The following SRGAP3 variants were observed in gnomAD, a reference collection of about 807,000 sequenced individuals.
SRGAP3 encodes the protein SLIT-ROBO Rho GTPase activating protein 3.
SRGAP3 carries 39 observed loss-of-function variants against 121.1 expected under a neutral mutation model. The ratio of observed to expected loss-of-function variants is 0.32; its 90% CI spans 0.25 to 0.42. SRGAP3 has a LOEUF of 0.42. SRGAP3 is among the 10% of genes least tolerant of loss of function. The probability of loss-of-function intolerance (pLI) is 1.00; values close to 1 mark genes in which losing one functional copy is unlikely to be tolerated. For missense variants in SRGAP3, 1,213 were observed against 1,470.6 expected, an observed-to-expected ratio of 0.82 and a Z score of 2.86; for synonymous variants, 601 against 570.0, an observed-to-expected ratio of 1.05 and a Z score of -0.77.
chr3:8,992,785 T>A, intron 20 of SRGAP3, 121 bp downstream of exon 20: 1 of 1,579,114 alleles, frequency 6.3e-7, no homozygotes, highest in South Asian at 1.1e-5. Flanking sequence ...GCCCATTTCA[T>A]TTTGTGGGGA....
intron 1 of SRGAP3, among the ~76,000 whole-genome samples, chr3:9,236,882 G>T (rs1953430735): frequency 6.6e-6 from 1 of 152,106 alleles, no homozygotes; most frequent in Non-Finnish European, 1.5e-5. Flanking sequence ...TCTTTGATAA[G>T]ACTTAAGTTT....
intron 4 of SRGAP3, among the ~76,000 whole-genome samples, chr3:9,073,015 T>C (rs1946792947): frequency 2.0e-5 from 3 of 152,250 alleles, no homozygotes; most frequent in African/African-American, 4.8e-5. Flanking sequence ...AGCTTGAATA[T>C]ACAACACTGC....
At chr3:9,356,904 T>C (rs932125831) in intron 1 of SRGAP3, among the ~76,000 whole-genome samples, 1 of 152,228 alleles carries the variant, frequency 6.6e-6, no homozygotes, top group Non-Finnish European at 1.5e-5. Flanking sequence ...TCTCTCATTA[T>C]GTCAAGAAAA....
intron 2 of SRGAP3, among the ~76,000 whole-genome samples, chr3:9,116,309 G>A (rs1418640101): frequency 2.6e-5 from 4 of 152,178 alleles, no homozygotes; most frequent in Middle Eastern, 3.2e-3. Context: ...AAGTCTATTT[G>A]TTAAATATAT....
rs1439418230 is a variant in SRGAP3, at chr3:9,086,516, T to TC, written c.424-6430dup. ...GCCTGGGTGACAGAATGAGACTGTT[T>TC]CAAAAAAAAAAAAAAAAAAAAACCA... On this transcript the variant is annotated intron_variant, in intron 3 of 21. Transcript: ENST00000383836. Among the ~76,000 whole-genome samples, 26 of 91,952 alleles carry TC rather than the reference T, an allele frequency of 2.8e-4. No individual in the cohort carries two copies. In the South Asian group the frequency reaches 6.4e-3, roughly 23 times the overall value. The allele number at this position is 91,952 out of a possible 152,430, so 60.3% of individuals were successfully genotyped here. A position where few individuals can be genotyped will look rare whatever the true frequency, so the allele number is the denominator to read the frequency against.
At chr3:8,994,204 C>A in intron 19 of SRGAP3, 139 bp downstream of exon 19, 1 of 1,096,748 alleles carries the variant, frequency 9.1e-7, no homozygotes, top group South Asian at 1.3e-5. Flanking sequence ...TAGATATTAC[C>A]CATTGTTAGA....
intron 1 of SRGAP3, among the ~76,000 whole-genome samples, chr3:9,177,179 C>A (rs1335790078): frequency 6.6e-6 from 1 of 152,214 alleles, no homozygotes; most frequent in African/African-American, 2.4e-5. Context: ...GTGCCAGACA[C>A]TCTACTGGGT....
intron 3 of SRGAP3, among the ~76,000 whole-genome samples, chr3:9,294,964 T>C (rs1189402638): frequency 6.6e-6 from 1 of 152,186 alleles, no homozygotes; most frequent in Admixed American, 6.5e-5. Context: ...ATTGCTAGCA[T>C]TGCTTTGAAT....
intron 2 of SRGAP3, among the ~76,000 whole-genome samples, chr3:9,115,730 T>C (rs981313289): frequency 6.6e-6 from 1 of 152,226 alleles, no homozygotes; most frequent in Non-Finnish European, 1.5e-5. Flanking sequence ...AGTGATTTGA[T>C]GCTGGCTTCA....
intron 8 of SRGAP3, 147 bp downstream of exon 8, chr3:9,056,086 T>C: frequency 2.8e-6 from 2 of 708,208 alleles, no homozygotes; most frequent in Admixed American, 2.2e-5. Context: ...TAATGATTCT[T>C]GGTGTGTGTG....
At chr3:9,344,655 G>T (rs1237560656) in intron 1 of SRGAP3, among the ~76,000 whole-genome samples, 1 of 148,180 alleles carries the variant, frequency 6.7e-6, no homozygotes, top group Admixed American at 6.8e-5. Context: ...CAAAAAAAAA[G>T]AAAGAAAGAA....
intron 18 of SRGAP3, among the ~76,000 whole-genome samples, 158 bp from the exon 19 acceptor site, chr3:8,994,681 G>A (rs1942281658): frequency 6.6e-6 from 1 of 152,116 alleles, no homozygotes; most frequent in Non-Finnish European, 1.5e-5. Flanking sequence ...AGGACCCTGG[G>A]GTCCTAGCCT....
chr3:9,297,271 T>A (rs1954968127), intron 3 of SRGAP3, among the ~76,000 whole-genome samples: 1 of 152,150 alleles, frequency 6.6e-6, no homozygotes, highest in Admixed American at 6.6e-5. Flanking sequence ...GCAGGCCCAG[T>A]GTCCTCCTCC....
intron 1 of SRGAP3, among the ~76,000 whole-genome samples, chr3:9,190,243 G>A (rs1477039493): frequency 6.6e-6 from 1 of 152,196 alleles, no homozygotes; most frequent in East Asian, 1.9e-4. Flanking sequence ...AAGGCCCAGT[G>A]ATCTTTTCAG....
intron 2 of SRGAP3, among the ~76,000 whole-genome samples, chr3:9,328,141 TC>T (rs1559279200): frequency 6.6e-6 from 1 of 152,226 alleles, no homozygotes; most frequent in Non-Finnish European, 1.5e-5. Flanking sequence ...TGTTTTTATT[TC>T]CCAAAGGTTA....
At chr3:9,213,075 C>T (rs1293428240) in intron 1 of SRGAP3, among the ~76,000 whole-genome samples, 1 of 152,196 alleles carries the variant, frequency 6.6e-6, no homozygotes, top group Non-Finnish European at 1.5e-5. Context: ...ACTTCTCGAC[C>T]TGGTGTCCTT....
intron 1 of SRGAP3, among the ~76,000 whole-genome samples, chr3:9,333,300 T>C (rs2125286976): frequency 6.6e-6 from 1 of 152,286 alleles, no homozygotes; most frequent in East Asian, 1.9e-4. Flanking sequence ...AGAGAAAGTA[T>C]CTCACAGGAA....
chr3:9,327,398 C>A (rs945665895), intron 2 of SRGAP3, among the ~76,000 whole-genome samples: 2 of 149,614 alleles, frequency 1.3e-5, no homozygotes, highest in African/African-American at 4.8e-5. Flanking sequence ...AATCCTTTAA[C>A]CCTCTAACCT....
intron 3 of SRGAP3, among the ~76,000 whole-genome samples, chr3:9,300,449 CCCTGTGCT>C (rs1955037366): frequency 6.6e-6 from 1 of 151,942 alleles, no homozygotes; most frequent in African/African-American, 2.4e-5. Context: ...AGGCATCTGC[CCCTGTGCT>C]CCTTTGGGCA....
Sources: allele counts gnomAD v4.1 joint callset (sites outside exome capture counted in the v4.1 genomes callset), GRCh38; gene constraint gnomAD v4.1.1; transcripts MANE v1.5; gene names NCBI Gene and HGNC (gene_info 2026-07-23, HGNC 2026-07-21).